SNTB1: variants seen among roughly 807,000 people sequenced by gnomAD.
SNTB1 encodes beta-1-syntrophin.
Under a neutral mutation model 48.9 loss-of-function variants are expected in SNTB1, and 36 were observed. The ratio of observed to expected loss-of-function variants is 0.74; its 90% confidence interval spans 0.56 to 0.97. The LOEUF (loss-of-function observed/expected upper bound fraction) is 0.97, where lower values mean the gene tolerates loss of function less well. Ranked by LOEUF, SNTB1 falls within the 50% of genes least tolerant of loss-of-function variation. SNTB1 has a pLI of 0.00. For missense variants in SNTB1, 786 were observed against 703.4 expected, an observed-to-expected ratio of 1.12 and a Z score of -1.33; for synonymous variants, 299 against 294.6, an observed-to-expected ratio of 1.01 and a Z score of -0.15.
At chr8:120,586,851 A>T (rs992903693) in intron 3 of SNTB1, among the ~76,000 whole-genome samples, 1 of 152,214 alleles carries the variant, frequency 6.6e-6, no homozygotes, top group African/African-American at 2.4e-5. Flanking sequence ...GGGGGAAAGA[A>T]GGTAGATAAA....
intron 3 of SNTB1, among the ~76,000 whole-genome samples, chr8:120,600,179 G>T (rs902882140): frequency 4.6e-5 from 7 of 152,216 alleles, no homozygotes; most frequent in Non-Finnish European, 7.3e-5. Context: ...TGACTAACAG[G>T]ATGCAGCAGA....
chr8:120,607,402 C>T (rs1026477391), intron 3 of SNTB1, among the ~76,000 whole-genome samples: 6 of 148,868 alleles, frequency 4.0e-5, no homozygotes, highest in Non-Finnish European at 8.9e-5. Flanking sequence ...TTTTTTGTGT[C>T]TGGCTTTTTT....
chr8:120,760,110 A>G (rs1819391095), intron 1 of SNTB1, among the ~76,000 whole-genome samples: 1 of 152,214 alleles, frequency 6.6e-6, no homozygotes, highest in African/African-American at 2.4e-5. Context: ...TTGAAGTTTG[A>G]TATTGAATTT....
At position 120,640,548 on chromosome 8, in the gene SNTB1, A is replaced by G. The variant is rs542107349; in HGVS notation, c.789-7897T>C. On this transcript the variant is annotated intron_variant, in intron 2 of 6. Transcript: ENST00000517992. Reference sequence around the variant, plus strand: ...AATAGCTCTTATTATTTTGAGATACATCCCATCAATACCTAATTTATTGAG... The same window carrying G: ...AATAGCTCTTATTATTTTGAGATACGTCCCATCAATACCTAATTTATTGAG... Among the ~76,000 whole-genome samples, 41 of 152,238 alleles carry G rather than the reference A, an allele frequency of 2.7e-4. No homozygotes were observed. The East Asian group carries it at 7.9e-3, about 29-fold the overall frequency.
intron 4 of SNTB1, among the ~76,000 whole-genome samples, chr8:120,554,536 CATT>C (rs1000833479): frequency 3.3e-5 from 5 of 152,124 alleles, no homozygotes; most frequent in Admixed American, 6.5e-5. Flanking sequence ...ACTCGGCAAA[CATT>C]AATTCTTTAA....
chr8:120,788,344 C>G (rs535127336), intron 1 of SNTB1, among the ~76,000 whole-genome samples: 1 of 152,072 alleles, frequency 6.6e-6, no homozygotes, highest in Non-Finnish European at 1.5e-5. Flanking sequence ...CATTAGGTAA[C>G]AATTAACATG....
intron 1 of SNTB1, among the ~76,000 whole-genome samples, chr8:120,746,171 C>A (rs547302429): frequency 1.1e-4 from 17 of 152,296 alleles, no homozygotes; most frequent in Admixed American, 1.1e-3. Context: ...GCAACACCAA[C>A]CCCTCTTCTT....
chr8:120,607,413 TAAAAAAGTATAC>T (rs1316896296), intron 3 of SNTB1, among the ~76,000 whole-genome samples: 5 of 123,428 alleles, frequency 4.1e-5, no homozygotes, highest in Non-Finnish European at 3.4e-5. Context: ...TGGCTTTTTT[TAAAAAAGTATAC>T]TTTAAGTTTT....
chr8:120,741,337 G>A (rs916604162), intron 1 of SNTB1, among the ~76,000 whole-genome samples: 5 of 152,160 alleles, frequency 3.3e-5, no homozygotes, highest in Non-Finnish European at 5.9e-5. Context: ...GGCCAGGCAC[G>A]GTGGCTCACA....
At chr8:120,692,627 G>A (rs1171506967) in intron 2 of SNTB1, among the ~76,000 whole-genome samples, 1 of 152,082 alleles carries the variant, frequency 6.6e-6, no homozygotes, top group Non-Finnish European at 1.5e-5. Flanking sequence ...CCTGTGGCGT[G>A]CAAAGTCATG....
chr8:120,545,247 G>C (rs765028294), intron 5 of SNTB1, among the ~76,000 whole-genome samples: 42 of 152,174 alleles, frequency 2.8e-4, no homozygotes, highest in Non-Finnish European at 5.3e-4. Flanking sequence ...AGGAGGCTGA[G>C]GCAAGAGAAT....
At chr8:120,624,500 C>T (rs1366666053) in intron 3 of SNTB1, among the ~76,000 whole-genome samples, 1 of 152,156 alleles carries the variant, frequency 6.6e-6, no homozygotes, top group Non-Finnish European at 1.5e-5. Flanking sequence ...CCCCAATGAC[C>T]TAATCATCTC....
intron 1 of SNTB1, chr8:120,769,140 A>T (rs1186575879): frequency 6.6e-6 from 1 of 152,188 alleles, no homozygotes; most frequent in Non-Finnish European, 1.5e-5. Flanking sequence ...GGGTCCCTCT[A>T]TTTGAAATTC....
chr8:120,782,448 A>T (rs1219416791), intron 1 of SNTB1, among the ~76,000 whole-genome samples: 1 of 152,144 alleles, frequency 6.6e-6, no homozygotes, highest in Non-Finnish European at 1.5e-5. Flanking sequence ...TAAAAGTTAA[A>T]ATCAACTGAA....
chr8:120,799,020 T>C (rs1820170592), intron 1 of SNTB1, among the ~76,000 whole-genome samples: 1 of 151,936 alleles, frequency 6.6e-6, no homozygotes, highest in Non-Finnish European at 1.5e-5. Context: ...GACCAGGGAG[T>C]TAATGTCCCA....
intron 1 of SNTB1, among the ~76,000 whole-genome samples, chr8:120,802,971 C>G (rs929507498): frequency 1.3e-5 from 2 of 151,944 alleles, no homozygotes; most frequent in Admixed American, 6.6e-5. Flanking sequence ...CACCCATCCT[C>G]TAAACCACTG....
At position 120,538,712 on chromosome 8, in the gene SNTB1, T is replaced by C. The variant is rs1293904220; in HGVS notation, c.*165A>G. The C allele has an allele frequency of 4.3e-6, 3 of 703,888 alleles. No individual in the cohort carries two copies. The highest frequency in any genetic ancestry group is 7.9e-6 in the Non-Finnish European group (3 of 380,898). The allele number at this position is 703,888 out of a possible 1,614,324, so 43.6% of individuals were successfully genotyped here. On this transcript the variant is annotated 3_prime_UTR_variant, in exon 7 of 7. Coordinates refer to ENST00000517992, the MANE Select transcript of SNTB1 (RefSeq NM_021021.4). Reference sequence around the variant, plus strand: ...TTCGCAGGGTATCCCTTGTAGTTGCTGAAACTGACAGAGGAGTCTGGGACA... The same window carrying C: ...TTCGCAGGGTATCCCTTGTAGTTGCCGAAACTGACAGAGGAGTCTGGGACA...
At chr8:120,565,018 C>A (rs189971568) in intron 4 of SNTB1, among the ~76,000 whole-genome samples, 42 of 152,304 alleles carry the variant, frequency 2.8e-4, no homozygotes, top group African/African-American at 9.9e-4. Flanking sequence ...TCTCTCTCTA[C>A]CAGCAAATCC....
rs941234696 is a variant in SNTB1 at position 120,693,804 on chromosome 8, T to A, written c.676A>T (p.Thr226Ser). ...PPESPRLGGS[T>S]SDPPSSQSFS... ...GACTGCGATGACGGGGGGTCTGAGG[T>A]GCTGCCCCCTAACCGAGGGGATTCA... Residue 226 changes from threonine (T) to serine (S), a missense_variant, in exon 2 of 7, where the codon ACC (threonine) becomes TCC (serine). Coordinates refer to ENST00000517992, the MANE Select transcript of SNTB1 (RefSeq NM_021021.4). 6.2e-7 allele frequency: 1 copy of A among 1,614,114 alleles called. No individual in the cohort carries two copies. Among genetic ancestry groups the A allele is most frequent in the Admixed American group, 1.7e-5 (1 of 60,006 alleles).
Sources: allele counts gnomAD v4.1 joint callset (sites outside exome capture counted in the v4.1 genomes callset), GRCh38; gene constraint gnomAD v4.1.1; transcripts MANE v1.5; gene names NCBI Gene and HGNC (gene_info 2026-07-23, HGNC 2026-07-21).